The following SEMA4F variants were observed in gnomAD, a reference collection of about 807,000 sequenced individuals.
The protein encoded by SEMA4F is semaphorin-4F.
SEMA4F carries 51 observed loss-of-function variants against 78.4 expected under a neutral mutation model. The ratio of observed to expected loss-of-function variants is 0.65; its 90% confidence interval spans 0.52 to 0.82. The LOEUF (loss-of-function observed/expected upper bound fraction) is 0.82. SEMA4F is among the 40% of genes least tolerant of loss of function. The pLI is 0.00. For synonymous variants in SEMA4F, 418 were observed against 408.7 expected, an observed-to-expected ratio of 1.02 and a Z score of -0.27; for missense variants, 938 against 1,014.4, an observed-to-expected ratio of 0.92 and a Z score of 1.02.
Position 74,679,292 on chromosome 2 carries a change from G to C in SEMA4F, c.1660G>C (p.Glu554Gln). The part of the protein sequence containing the change: ...GEHRGLVQDI[E>Q]SADVSSLCPK... ...TCTTTATAGGTTGGTCCAAGACATA[G>C]AGTCAGCAGATGTCTCCTCTTTGTG... Residue 554 changes from glutamate to glutamine, a missense_variant, in exon 13 of 14, where the codon GAG becomes CAG. By Grantham distance (29) the Glu-to-Gln change is conservative (BLOSUM62 2). Transcript: ENST00000357877. The C allele has an allele frequency of 6.2e-7, 1 of 1,613,460 alleles. No individual in the cohort carries two copies. The highest frequency in any genetic ancestry group is 8.5e-7 in the Non-Finnish European group (1 of 1,179,362).
At chr2:74,694,875 G>A in the SEMA4F span, among the ~76,000 whole-genome samples, 21 of 152,262 alleles carry the variant, frequency 1.4e-4, no homozygotes, top group Non-Finnish European at 2.1e-4. Context: ...TCTTTTTAGT[G>A]CTGAATAATA....
In SEMA4F at chr2:74,654,585, T is replaced by C. The variant is rs1684021253; in HGVS notation, c.145+64T>C. On this transcript the variant is annotated intron_variant, in intron 1 of 13. Coordinates refer to ENST00000357877, the MANE Select transcript of SEMA4F (RefSeq NM_004263.5). The stretch of plus-strand genomic sequence containing the variant: ...CACACCCACACCCACACCCACCTGC[T>C]CCTCAGACCGCTCGGCCGGACCCGG... The C allele has an allele frequency of 4.4e-6, 6 of 1,374,738 alleles. No individual in the cohort carries two copies. The East Asian group carries it at 1.7e-4, about 39-fold the overall frequency. The allele number at this position is 1,374,738 out of a possible 1,614,324, so 85.2% of individuals were successfully genotyped here.
At chr2:74,671,291 C>G (rs965429796) in intron 5 of SEMA4F, among the ~76,000 whole-genome samples, 3 of 152,206 alleles carry the variant, frequency 2.0e-5, no homozygotes, top group African/African-American at 7.2e-5. Context: ...CCCTCTTGTT[C>G]TCTGCATAGA....
At chr2:74,696,899 A>T in the SEMA4F span, among the ~76,000 whole-genome samples, 2 of 152,244 alleles carry the variant, frequency 1.3e-5, no homozygotes, top group South Asian at 4.1e-4. Flanking sequence ...ACTAATCTCT[A>T]TTTATGGACC....
chr2:74,677,266 A>G (rs367592830), intron 12 of SEMA4F, among the ~76,000 whole-genome samples: 28 of 152,232 alleles, frequency 1.8e-4, no homozygotes, highest in South Asian at 6.2e-4. Context: ...AGAGAATTGT[A>G]TAATGAATTT....
chr2:74,675,983 CT>C (rs898132446), intron 12 of SEMA4F, 74 bp downstream of exon 12: 2 of 1,476,862 alleles, frequency 1.4e-6, no homozygotes, highest in African/African-American at 2.8e-5. Context: ...CGTTTCTCAT[CT>C]GTTAATGCTG....
chr2:74,696,185 CTTTTTTT>C, the SEMA4F span, among the ~76,000 whole-genome samples: 4 of 109,006 alleles, frequency 3.7e-5, no homozygotes, highest in Non-Finnish European at 5.5e-5. Context: ...TCTCCTGCCT[CTTTTTTT>C]TTTTTTTTTT....
At chr2:74,663,412 G>A (rs538556201) in intron 5 of SEMA4F, among the ~76,000 whole-genome samples, 30 of 152,288 alleles carry the variant, frequency 2.0e-4, no homozygotes, top group Non-Finnish European at 3.1e-4. Flanking sequence ...GAAAATTATT[G>A]CTAATATTTT....
In SEMA4F at chr2:74,680,051, C is replaced by G. The variant is rs1245465921; in HGVS notation, c.2155C>G (p.Pro719Ala). ...AAGCTACAGCCAAGACCCTCCCTCC[C>G]CCTCTCCTGAAGATGAGCGGTTGCC... ...TTSYSQDPPS[P>A]SPEDERLPLA... is the part of the protein sequence containing the mutation. Residue 719 changes from proline to alanine, a missense_variant, in exon 14 of 14, where the codon CCC becomes GCC. Coordinates refer to ENST00000357877, the MANE Select transcript of SEMA4F (RefSeq NM_004263.5). 1 of 1,614,172 alleles carries G rather than the reference C, an allele frequency of 6.2e-7. No individual in the cohort carries two copies. Among genetic ancestry groups the G allele is most frequent in the African/African-American group, 1.3e-5 (1 of 75,068 alleles).
intron 1 of SEMA4F, among the ~76,000 whole-genome samples, chr2:74,656,200 G>A (rs149559582): frequency 0.036 from 5,529 of 151,984 alleles, 168 homozygotes; most frequent in Non-Finnish European, 0.056. Flanking sequence ...AGTAGAGACG[G>A]GATTTCACCA....
chr2:74,676,013 T>C (rs1685264335), intron 12 of SEMA4F, 104 bp downstream of exon 12: 2 of 1,250,084 alleles, frequency 1.6e-6, no homozygotes, highest in Non-Finnish European at 2.2e-6. Context: ...GAGGCTGTTT[T>C]CTTTTTCTGT....
At chr2:74,672,540 C>T (rs1685039738) in intron 5 of SEMA4F, among the ~76,000 whole-genome samples, 2 of 152,190 alleles carry the variant, frequency 1.3e-5, no homozygotes, top group African/African-American at 4.8e-5. Flanking sequence ...TGATACTCAA[C>T]ACACCTCCAG....
Position 74,662,773 on chromosome 2 carries a change from C to T in SEMA4F, c.498C>T (p.Gly166=). ...RFQQVERLES[G]RGKCPFEPAQ... ...AGCAGGTTGAAAGACTTGAGAGTGG[C>T]CGGGGGAAATGTCCTTTTGAGCCAG... The change falls in exon 5 of 14, where the codon GGC becomes GGT. Residue 166 remains glycine (G), a synonymous_variant. Transcript: ENST00000357877. 1.2e-6 allele frequency: 2 copies of T among 1,614,120 alleles called. No individual in the cohort carries two copies. The highest frequency in any genetic ancestry group is 1.7e-5 in the Admixed American group (1 of 60,028).
chr2:74,655,045 C>T (rs1296026073), intron 1 of SEMA4F, among the ~76,000 whole-genome samples: 1 of 152,184 alleles, frequency 6.6e-6, no homozygotes, highest in East Asian at 1.9e-4. Context: ...CAATTCATTT[C>T]CCTATCAGTT....
At chr2:74,706,835 C>CA in the SEMA4F span, among the ~76,000 whole-genome samples, 42,720 of 152,034 alleles carry the variant, frequency 0.28, 9,002 homozygotes, top group East Asian at 0.82. Context: ...GAGCACTTCT[C>CA]AGTGAGTGAG....
chr2:74,699,711 C>T, the SEMA4F span, among the ~76,000 whole-genome samples: 4 of 152,168 alleles, frequency 2.6e-5, no homozygotes, highest in African/African-American at 7.2e-5. Flanking sequence ...GGAGAAGGAG[C>T]GGTTGGAGAG....
rs1369522034 is a variant in SEMA4F, at chr2:74,658,386, T to C, written c.456+435T>C. On this transcript the variant is annotated intron_variant, in intron 4 of 13. Coordinates refer to ENST00000357877, the MANE Select transcript of SEMA4F (RefSeq NM_004263.5). This position sits in a 1 kb window ranked among gnomAD's most constrained non-coding sequence, Gnocchi z 4.3. ...GTTTCTTCCTTTCACAGCATGTGAC[T>C]GTCTCTTACCACCTTCTCCTACTTC... 6.6e-6 allele frequency among the ~76,000 whole-genome samples: 1 copy of C among 152,246 alleles called. No individual in the cohort carries two copies. Among genetic ancestry groups the C allele is most frequent in the Non-Finnish European group, 1.5e-5 (1 of 68,042 alleles).
chr2:74,687,064 C>G (rs370634636), downstream of SEMA4F, among the ~76,000 whole-genome samples: 24 of 152,158 alleles, frequency 1.6e-4, no homozygotes, highest in South Asian at 6.2e-4. Context: ...CTTCCCGTTA[C>G]AATTAGAATG....
chr2:74,679,412 C>T (rs536332737), intron 13 of SEMA4F, 78 bp downstream of exon 13: 20 of 1,486,948 alleles, frequency 1.3e-5, no homozygotes, highest in Middle Eastern at 1.7e-4. Context: ...CATTTTGGAA[C>T]GATTCTAAAC....
Sources: gnomAD v4.1 joint callset for allele counts (sites outside exome capture counted in the v4.1 genomes callset) on GRCh38, gnomAD v4.1.1 for gene constraint, Gnocchi (gnomAD v3.1) non-coding constraint, MANE v1.5 for transcripts, NCBI Gene and HGNC (gene_info 2026-07-23, HGNC 2026-07-21) for gene names.